DGKK: variants seen among roughly 807,000 people sequenced by gnomAD.
DGKK encodes the protein diacylglycerol kinase kappa.
DGKK carries 35 observed loss-of-function variants against 92.2 expected under a neutral mutation model. The ratio of observed to expected loss-of-function variants is 0.38; its 90% confidence interval spans 0.29 to 0.50. The LOEUF (loss-of-function observed/expected upper bound fraction) is 0.50, where lower values mean the gene tolerates loss of function less well. Ranked by LOEUF, DGKK falls within the 20% of genes least tolerant of loss-of-function variation. The pLI is 0.92. For missense variants in DGKK, 910 were observed against 992.2 expected, an observed-to-expected ratio of 0.92 and a Z score of 1.11; for synonymous variants, 368 against 360.6, an observed-to-expected ratio of 1.02 and a Z score of -0.23.
chrX:50,442,105 A>G (rs1602297548), intron 1 of DGKK, among the ~76,000 whole-genome samples: 1 of 111,412 alleles, frequency 9.0e-6, no homozygotes, highest in African/African-American at 3.3e-5. Context: ...ATTTCTTCAC[A>G]TAACAAACAA....
At chrX:50,418,772 A>G (rs1024459732) in intron 4 of DGKK, among the ~76,000 whole-genome samples, 1 of 111,390 alleles carries the variant, frequency 9.0e-6, no homozygotes, top group African/African-American at 3.3e-5. Context: ...GTGCTGGGTA[A>G]TCAATACCTA....
chrX:50,369,140 T>C (rs1017739129), intron 27 of DGKK, 121 bp from the exon 28 acceptor site: 6 of 466,076 alleles, frequency 1.3e-5, no homozygotes, highest in Non-Finnish European at 2.1e-5. Flanking sequence ...GTTCCTATTG[T>C]ACTAACCATC....
intron 1 of DGKK, among the ~76,000 whole-genome samples, chrX:50,428,709 C>T (rs1557229958): frequency 9.0e-6 from 1 of 111,709 alleles, no homozygotes; most frequent in African/African-American, 3.3e-5. Context: ...TTTGTGTCAT[C>T]AGCTCTGAAC....
intron 1 of DGKK, among the ~76,000 whole-genome samples, chrX:50,465,508 G>T (rs1303634693): frequency 9.2e-6 from 1 of 108,930 alleles, no homozygotes; most frequent in Non-Finnish European, 1.9e-5. Flanking sequence ...GGAAAGGTCG[G>T]GCACCCTATC....
Position 50,404,062 on chromosome X carries a change from G to A in DGKK, c.1065C>T (p.Ala355=). The A allele has an allele frequency of 8.3e-7, 1 of 1,210,487 alleles. No homozygotes were observed. The highest frequency in any genetic ancestry group is 1.1e-6 in the Non-Finnish European group (1 of 895,036). ...RESIPALSRD[A]IICEVCKVKS... ...TCAGAAAGGTACCTTCACAGATGAT[G>A]GCATCTCTAGATAAGGCAGGAATGC... Residue 355 remains alanine (A), a synonymous_variant, in exon 5 of 28, where the codon GCC becomes GCT. Transcript: ENST00000611977.
chrX:50,408,219 G>C (rs781805765), intron 4 of DGKK, among the ~76,000 whole-genome samples: 8 of 111,674 alleles, frequency 7.2e-5, no homozygotes, highest in Non-Finnish European at 1.5e-4. Flanking sequence ...AGGGGCTTGT[G>C]GGGGGATTGA....
chrX:50,428,231 G>T lies in DGKK; in HGVS notation c.646-3873C>A, dbSNP rs782436533. 5.5e-5 allele frequency among the ~76,000 whole-genome samples: 6 copies of T among 109,258 alleles called. No homozygotes were observed. In the South Asian group the frequency reaches 2.4e-3, roughly 43 times the overall value. 94.9% of individuals were successfully genotyped at this position (109,258 alleles called of 115,157 possible). ...TTATTATTATTATTAACACATTTTA[G>T]ATTAAGTCTAGAATTACTCTCGCAG... is the stretch of plus-strand genomic sequence containing the variant. On this transcript the variant is annotated intron_variant, in intron 1 of 27. Coordinates refer to ENST00000611977, the MANE Select transcript of DGKK (RefSeq NM_001013742.4).
intron 8 of DGKK, among the ~76,000 whole-genome samples, chrX:50,394,395 G>A (rs1187933504): frequency 1.8e-5 from 2 of 111,633 alleles, no homozygotes; most frequent in African/African-American, 6.5e-5. Context: ...GGCCAGTGGA[G>A]CTTGAAGGCA....
At chrX:50,397,732 G>C (rs1180879479) in intron 8 of DGKK, among the ~76,000 whole-genome samples, 2 of 112,187 alleles carry the variant, frequency 1.8e-5, no homozygotes, top group Non-Finnish European at 3.8e-5. Flanking sequence ...CTTACATACA[G>C]GCAGTATTCA....
intron 1 of DGKK, among the ~76,000 whole-genome samples, chrX:50,460,765 A>G (rs57397752): frequency 0.067 from 7,460 of 111,613 alleles, 596 homozygotes; most frequent in African/African-American, 0.23. Flanking sequence ...TGAAAGCTGG[A>G]TGAATTGAAT....
At position 50,375,075 on chromosome X, in the gene DGKK, G is replaced by C. The variant is rs1359224205; in HGVS notation, c.3415-18C>G. ...CTTAGAGTCTGAGAGGAAAAGAACGGAAAAGGAGAGAAAAAGACAAAGACA... is the reference window on the plus strand; with the variant it reads ...CTTAGAGTCTGAGAGGAAAAGAACGCAAAAGGAGAGAAAAAGACAAAGACA... On this transcript the variant is annotated intron_variant, in intron 24 of 27. Coordinates refer to ENST00000611977, the MANE Select transcript of DGKK (RefSeq NM_001013742.4). 2 of 1,140,020 alleles carry C rather than the reference G, an allele frequency of 1.8e-6. No individual in the cohort carries two copies. Among genetic ancestry groups the C allele is most frequent in the Admixed American group, 2.3e-5 (1 of 44,335 alleles). The allele number at this position is 1,140,020 out of a possible 1,213,427, so 94.0% of individuals were successfully genotyped here. A position where few individuals can be genotyped will look rare whatever the true frequency, so the allele number is the denominator to read the frequency against.
chrX:50,405,131 C>G (rs2147130179), intron 4 of DGKK, among the ~76,000 whole-genome samples: 1 of 112,256 alleles, frequency 8.9e-6, no homozygotes, highest in East Asian at 2.8e-4. Context: ...AGACACAACC[C>G]CTGCCTACAT....
intron 4 of DGKK, among the ~76,000 whole-genome samples, chrX:50,418,137 A>G (rs1557228749): frequency 9.0e-6 from 1 of 111,577 alleles, no homozygotes; most frequent in African/African-American, 3.3e-5. Flanking sequence ...CTCTTCCCAG[A>G]GGACTCCAGC....
Position 50,470,267 on chromosome X carries a change from C to T in DGKK, c.412G>A (p.Ala138Thr), listed in dbSNP as rs782269260. The T allele has an allele frequency of 9.1e-6, 11 of 1,208,412 alleles. No homozygotes were observed. In the East Asian group the frequency reaches 1.8e-4, roughly 20 times the overall value. Residue 138 changes from alanine to threonine, a missense_variant, in exon 1 of 28, where the codon GCC becomes ACC. Ala to Thr is a moderately conservative substitution (Grantham distance 58). Coordinates refer to ENST00000611977, the MANE Select transcript of DGKK (RefSeq NM_001013742.4). ...GCAACTTCTGGAGTCAGCTCTGGGG[C>T]CGGCTCTGGGACCGACTCTAGGGCA... The part of the protein sequence containing the change: ...EPALESVPEP[A>T]PELTPEVAPE...
At position 50,382,523 on chromosome X, in the gene DGKK, C is replaced by T. The variant is rs375771283; in HGVS notation, c.2630G>A (p.Arg877Lys). ...DAKISLDFNT[R>K]RDEHPGQYNS... ...GTATTGCCCTGGGTGTTCATCTCTT[C>T]TGGTGTTGAAGTCCAGAGAAATTTT... The change falls in exon 18 of 28, where the codon AGA becomes AAA. Residue 877 changes from arginine (R) to lysine (K), a missense_variant. By Grantham distance (26) the Arg-to-Lys change is conservative. Coordinates refer to ENST00000611977, the MANE Select transcript of DGKK (RefSeq NM_001013742.4). 6 of 1,207,721 alleles carry T rather than the reference C, an allele frequency of 5.0e-6. No homozygotes were observed. Among genetic ancestry groups the T allele is most frequent in the Non-Finnish European group, 5.6e-6 (5 of 893,645 alleles).
At chrX:50,437,689 T>A (rs1926064736) in intron 1 of DGKK, among the ~76,000 whole-genome samples, 1 of 111,487 alleles carries the variant, frequency 9.0e-6, no homozygotes, top group Non-Finnish European at 1.9e-5. Flanking sequence ...CTCAGTCTGA[T>A]AGGCCTGGAA....
chrX:50,395,770 AT>A (rs199870111), intron 8 of DGKK, among the ~76,000 whole-genome samples: 3 of 93,858 alleles, frequency 3.2e-5, no homozygotes, highest in Admixed American at 2.5e-4. Context: ...CTATGTTAAC[AT>A]TTTTTTTTCT....
intron 1 of DGKK, among the ~76,000 whole-genome samples, chrX:50,435,197 G>A (rs150866204): frequency 2.7e-5 from 3 of 112,526 alleles, no homozygotes; most frequent in African/African-American, 9.7e-5. Flanking sequence ...GTTATGCAGC[G>A]CATGCCTGTA....
chrX:50,436,902 A>C (rs896583879), intron 1 of DGKK, among the ~76,000 whole-genome samples: 1 of 111,311 alleles, frequency 9.0e-6, no homozygotes, highest in Non-Finnish European at 1.9e-5. Flanking sequence ...TCCATATTTC[A>C]AAGCCTAGTT....
Sources: allele counts gnomAD v4.1 joint callset (sites outside exome capture counted in the v4.1 genomes callset), GRCh38; gene constraint gnomAD v4.1.1; transcripts MANE v1.5; gene names NCBI Gene and HGNC (gene_info 2026-07-23, HGNC 2026-07-21).